The following SAMD7 variants were observed in gnomAD, a reference collection of about 807,000 sequenced individuals.
The protein encoded by SAMD7 is sterile alpha motif domain containing 7.
SAMD7 carries 34 observed loss-of-function variants against 36.7 expected under a neutral mutation model. The observed-to-expected ratio is 0.93, with a 90% CI of 0.71 to 1.23. The LOEUF is 1.23. SAMD7 is among the 50% of genes most tolerant of loss of function. The pLI, the probability that SAMD7 is intolerant of heterozygous loss-of-function variation, is 0.00. For missense variants in SAMD7, 570 were observed against 546.6 expected (o/e 1.04, Z -0.43); for synonymous variants, 188 against 189.7 (o/e 0.99, Z 0.07).
Position 169,915,441 on chromosome 3 carries a change from G to C in SAMD7, c.-42G>C, listed in dbSNP as rs1712755232. Reference sequence around the variant, plus strand: ...ATTCATCTCCACGGCTTTTCCTAAAGGTAACATGTAAGAGGAAGAGGTGGT... The same window carrying C: ...ATTCATCTCCACGGCTTTTCCTAAACGTAACATGTAAGAGGAAGAGGTGGT... On this transcript the variant is annotated splice_region_variant and 5_prime_UTR_variant, in exon 2 of 9. Coordinates refer to ENST00000335556, the MANE Select transcript of SAMD7 (RefSeq NM_001304366.2). 1 of 152,066 alleles carries C rather than the reference G, an allele frequency of 6.6e-6. No homozygotes were observed. Among genetic ancestry groups the C allele is most frequent in the South Asian group, 2.1e-4 (1 of 4,828 alleles). The allele number at this position is 152,066 out of a possible 1,614,324, so 9.4% of individuals were successfully genotyped here.
At chr3:169,918,196 C>T (rs1712897630) in intron 2 of SAMD7, among the ~76,000 whole-genome samples, 1 of 152,196 alleles carries the variant, frequency 6.6e-6, no homozygotes. Flanking sequence ...CCTCAGCCTC[C>T]CAAAGTGCTG....
At chr3:169,917,787 G>A (rs1232249815) in intron 2 of SAMD7, among the ~76,000 whole-genome samples, 10 of 150,900 alleles carry the variant, frequency 6.6e-5, no homozygotes, top group South Asian at 2.1e-4. Context: ...GACTACAGGC[G>A]CCCGCCACCA....
chr3:169,925,375 A>G (rs1281301887), intron 5 of SAMD7, among the ~76,000 whole-genome samples: 1 of 152,004 alleles, frequency 6.6e-6, no homozygotes, highest in African/African-American at 2.4e-5. Context: ...ACTTAAAAAA[A>G]AAAAGAAAAA....
At chr3:169,932,768 C>T (rs1309806965) in intron 7 of SAMD7, 11 of 533,562 alleles carry the variant, frequency 2.1e-5, no homozygotes, top group East Asian at 4.5e-5. Context: ...GTATGATGAG[C>T]GCTACTGTGA....
chr3:169,913,463 A>G (rs1712683400), intron 1 of SAMD7, among the ~76,000 whole-genome samples: 3 of 152,212 alleles, frequency 2.0e-5, no homozygotes, highest in Admixed American at 2.0e-4. Context: ...TGCCCTAATC[A>G]GTTGAGACAG....
intron 2 of SAMD7, among the ~76,000 whole-genome samples, chr3:169,918,162 T>G (rs1712895271): frequency 6.6e-6 from 1 of 151,858 alleles, no homozygotes; most frequent in Non-Finnish European, 1.5e-5. Flanking sequence ...CGTCTTGAAC[T>G]CCTGACCTCA....
intron 4 of SAMD7, among the ~76,000 whole-genome samples, chr3:169,922,009 G>T (rs903698705): frequency 6.6e-6 from 1 of 152,170 alleles, no homozygotes; most frequent in African/African-American, 2.4e-5. Flanking sequence ...TACTAAGAAT[G>T]ACATCAAAAA....
At chr3:169,926,275 GC>G in intron 5 of SAMD7, 1 of 1,376,512 alleles carries the variant, frequency 7.3e-7, no homozygotes, top group Non-Finnish European at 9.5e-7. Flanking sequence ...CAAGGAACTA[GC>G]TGTGCTGCGT....
Position 169,925,121 on chromosome 3 carries a change from G to T in SAMD7, c.275G>T (p.Arg92Leu). The change falls in exon 5 of 9, where the codon CGG becomes CTG. Residue 92 changes from arginine to leucine, a missense_variant. Arg to Leu is a moderately radical substitution (Grantham distance 102). Transcript: ENST00000335556. The stretch of plus-strand genomic sequence containing the variant: ...GCCAGAAGGAATGAAATGATTCAAC[G>T]GCATCATACTGCCAGGTAATTTGGC... ...AVARRNEMIQ[R>L]HHTARTEMEM... is the part of the protein sequence containing the mutation. 6.2e-7 allele frequency: 1 copy of T among 1,605,962 alleles called. No individual in the cohort carries two copies. The highest frequency in any genetic ancestry group is 1.3e-5 in the African/African-American group (1 of 74,726).
intron 6 of SAMD7, 104 bp downstream of exon 6, chr3:169,927,285 CTTTTTTT>C (rs71634451): frequency 3.5e-3 from 490 of 141,646 alleles, no homozygotes; most frequent in East Asian, 5.6e-3. Context: ...TTTTATCTTT[CTTTTTTT>C]TTTTTTTTTT....
intron 7 of SAMD7, chr3:169,932,147 G>C: frequency 1.7e-6 from 1 of 573,958 alleles, no homozygotes; most frequent in South Asian, 2.0e-5. Flanking sequence ...ATGATGACTG[G>C]CTTGTGGATG....
Position 169,932,287 on chromosome 3 carries a change from A to G in SAMD7, c.1041+3709A>G, listed in dbSNP as rs759574450. ...GGCAATCATGCATGCCATGGCCACC[A>G]AGCAAATTATTAAAGCTGATGTGGG... On this transcript the variant is annotated intron_variant, in intron 7 of 8. Transcript: ENST00000335556. The G allele has an allele frequency of 2.5e-4, 193 of 768,998 alleles. No individual in the cohort carries two copies. The Middle Eastern group carries it at 9.3e-3, about 37-fold the overall frequency. The allele number at this position is 768,998 out of a possible 1,614,324, so 47.6% of individuals were successfully genotyped here.
At position 169,926,940 on chromosome 3, in the gene SAMD7, C is replaced by T. The variant is rs778522262; in HGVS notation, c.678C>T (p.Asp226=). The stretch of plus-strand genomic sequence containing the variant: ...ATGAAGAGGATCATTATGCAAAAGA[C>T]CCAGACATTGAAGCACCCAGCAACC... The part of the protein sequence containing the change: ...VPYEEDHYAK[D]PDIEAPSNQK... The change falls in exon 6 of 9, where the codon GAC becomes GAT. Residue 226 remains aspartate, a synonymous_variant. Coordinates refer to ENST00000335556, the MANE Select transcript of SAMD7 (RefSeq NM_001304366.2). 8.1e-6 allele frequency: 13 copies of T among 1,613,964 alleles called. No individual in the cohort carries two copies. Among genetic ancestry groups the T allele is most frequent in the Non-Finnish European group, 1.0e-5 (12 of 1,179,968 alleles).
At chr3:169,932,987 C>A (rs1175632473) in intron 7 of SAMD7, 24 of 720,154 alleles carry the variant, frequency 3.3e-5, no homozygotes, top group Non-Finnish European at 5.7e-5. Flanking sequence ...TCTTTCCCCC[C>A]CTCTATCAGT....
In SAMD7 at chr3:169,919,515, T is replaced by A. The variant is rs1223894626; in HGVS notation, c.17T>A (p.Leu6Ter). 2 of 1,614,058 alleles carry A rather than the reference T, an allele frequency of 1.2e-6. No individual in the cohort carries two copies. The highest frequency in any genetic ancestry group is 1.7e-6 in the Non-Finnish European group (2 of 1,180,014). MAVNP[L>*]LTPTGQQTIP... is the part of the protein sequence containing the mutation. ...AACCCGGTGATGGCTGTGAACCCTT[T>A]ATTGACACCAACAGGGCAGCAGACA... Residue 6 changes from leucine to a stop codon, truncating the protein, a stop_gained, in exon 3 of 9, where the codon TTA becomes TAA. Transcript: ENST00000335556. LOFTEE classifies it high-confidence loss of function.
At chr3:169,934,719 G>A (rs1415918600) in intron 7 of SAMD7, among the ~76,000 whole-genome samples, 1 of 152,196 alleles carries the variant, frequency 6.6e-6, no homozygotes, top group Non-Finnish European at 1.5e-5. Context: ...TTTAGCTTCT[G>A]AGTTAAAGAT....
At chr3:169,912,878 G>A (rs895110769) in intron 1 of SAMD7, among the ~76,000 whole-genome samples, 1 of 152,200 alleles carries the variant, frequency 6.6e-6, no homozygotes. Context: ...TGGCAGAGAT[G>A]GGAAGGGGAG....
At chr3:169,916,115 A>G (rs1443388668) in intron 2 of SAMD7, among the ~76,000 whole-genome samples, 1 of 152,192 alleles carries the variant, frequency 6.6e-6, no homozygotes, top group Non-Finnish European at 1.5e-5. Flanking sequence ...ACACATTTTG[A>G]CATGCACAAT....
At chr3:169,931,511 G>A (rs1156848964) in intron 7 of SAMD7, among the ~76,000 whole-genome samples, 1 of 151,874 alleles carries the variant, frequency 6.6e-6, no homozygotes, top group African/African-American at 2.4e-5. Context: ...AAAGAGATGG[G>A]GGTCTACTAT....
Sources: gnomAD v4.1 joint callset for allele counts (sites outside exome capture counted in the v4.1 genomes callset) on GRCh38, gnomAD v4.1.1 for gene constraint, MANE v1.5 for transcripts, NCBI Gene and HGNC (gene_info 2026-07-23, HGNC 2026-07-21) for gene names.